TEAD1: variants seen among roughly 807,000 people sequenced by gnomAD.
TEAD1 encodes the protein TEA domain transcription factor 1, also known as transcriptional enhancer factor TEF-1.
A neutral mutation model predicts 54.9 loss-of-function variants in TEAD1; 9 were observed. That is an observed-to-expected ratio of 0.16 (90% CI 0.10 to 0.29). TEAD1 has a LOEUF of 0.29. Ranked by LOEUF, TEAD1 falls within the 10% of genes least tolerant of loss-of-function variation. The pLI, the probability that TEAD1 is intolerant of heterozygous loss-of-function variation, is 1.00. For missense variants in TEAD1, 387 were observed against 535.9 expected, an observed-to-expected ratio of 0.72 and a Z score of 2.74; for synonymous variants, 200 against 187.8, an observed-to-expected ratio of 1.07 and a Z score of -0.53.
chr11:12,720,136 T>G (rs1311798489), intron 2 of TEAD1, among the ~76,000 whole-genome samples: 1 of 151,882 alleles, frequency 6.6e-6, no homozygotes, highest in Non-Finnish European at 1.5e-5. Flanking sequence ...TCAGGAATAA[T>G]GTCTATGGCA....
At chr11:12,675,879 T>G (rs1943074789) in intron 2 of TEAD1, among the ~76,000 whole-genome samples, 1 of 152,224 alleles carries the variant, frequency 6.6e-6, no homozygotes, top group Admixed American at 6.5e-5. Context: ...AAAAGATTTA[T>G]TTAAAGTTGG....
intron 9 of TEAD1, among the ~76,000 whole-genome samples, chr11:12,900,871 G>A (rs1404661210): frequency 2.6e-5 from 4 of 152,160 alleles, no homozygotes. Context: ...AACCCTATTT[G>A]GTTCTGAGGC....
intron 10 of TEAD1, among the ~76,000 whole-genome samples, chr11:12,916,702 G>A (rs142376996): frequency 2.6e-5 from 4 of 152,372 alleles, no homozygotes; most frequent in Middle Eastern, 6.8e-3. Context: ...CAGTGTCTGA[G>A]ATGAGATGAC....
At chr11:12,764,992 C>T (rs1197132122) in intron 3 of TEAD1, among the ~76,000 whole-genome samples, 1 of 151,612 alleles carries the variant, frequency 6.6e-6, no homozygotes, top group African/African-American at 2.4e-5. Flanking sequence ...GCTTGATCAG[C>T]CTCTGAACCA....
At chr11:12,693,896 CT>C (rs761545459) in intron 2 of TEAD1, among the ~76,000 whole-genome samples, 4 of 152,256 alleles carry the variant, frequency 2.6e-5, no homozygotes, top group Non-Finnish European at 5.9e-5. Flanking sequence ...CAATAACTTC[CT>C]TTCCCAGTCC....
intron 3 of TEAD1, among the ~76,000 whole-genome samples, chr11:12,845,914 C>T (rs1297761831): frequency 1.3e-5 from 2 of 152,232 alleles, no homozygotes; most frequent in South Asian, 2.1e-4. Context: ...GCCGGCTTGC[C>T]AGGTCCTGCG....
intron 3 of TEAD1, among the ~76,000 whole-genome samples, chr11:12,807,293 C>T (rs760800576): frequency 2.6e-4 from 40 of 152,108 alleles, no homozygotes; most frequent in African/African-American, 8.7e-4. Flanking sequence ...TGTTTCTGTC[C>T]GCTCAAATAC....
chr11:12,823,161 A>C (rs186623091), intron 3 of TEAD1, among the ~76,000 whole-genome samples: 1 of 152,236 alleles, frequency 6.6e-6, no homozygotes, highest in Non-Finnish European at 1.5e-5. Flanking sequence ...TAATCAGGCT[A>C]TCCCCCTCAG....
At chr11:12,878,048 C>T (rs894456705) in intron 5 of TEAD1, among the ~76,000 whole-genome samples, 3 of 151,996 alleles carry the variant, frequency 2.0e-5, no homozygotes, top group African/African-American at 7.3e-5. Flanking sequence ...CCCAAGTAAT[C>T]CTCCCACCTC....
At chr11:12,679,922 A>AT (rs1179710300) in intron 2 of TEAD1, among the ~76,000 whole-genome samples, 12 of 152,216 alleles carry the variant, frequency 7.9e-5, no homozygotes, top group Non-Finnish European at 1.3e-4. Context: ...GTATCCAAGC[A>AT]TTTTTGTATA....
intron 3 of TEAD1, among the ~76,000 whole-genome samples, chr11:12,796,594 A>C (rs1945930652): frequency 1.3e-5 from 2 of 151,812 alleles, no homozygotes; most frequent in African/African-American, 4.8e-5. Flanking sequence ...GTGTGATGTC[A>C]CACACCTGTA....
chr11:12,893,643 C>T (rs1418791078), intron 9 of TEAD1, among the ~76,000 whole-genome samples: 3 of 152,098 alleles, frequency 2.0e-5, no homozygotes, highest in African/African-American at 7.2e-5. Context: ...AAGACACACT[C>T]CTGTCTGAGG....
chr11:12,885,599 T>G (rs1948071535), intron 9 of TEAD1, among the ~76,000 whole-genome samples: 1 of 152,112 alleles, frequency 6.6e-6, no homozygotes, highest in Admixed American at 6.5e-5. Context: ...CATATGACTG[T>G]TTTTTAGGAA....
chr11:12,702,854 C>T (rs1943732935), intron 2 of TEAD1, among the ~76,000 whole-genome samples: 1 of 152,172 alleles, frequency 6.6e-6, no homozygotes, highest in Admixed American at 6.5e-5. Flanking sequence ...TGTGAACTGG[C>T]ACTGTTCTTA....
At chr11:12,825,596 A>G (rs1363432687) in intron 3 of TEAD1, among the ~76,000 whole-genome samples, 2 of 152,238 alleles carry the variant, frequency 1.3e-5, no homozygotes, top group Non-Finnish European at 2.9e-5. Flanking sequence ...TGATTTGTAG[A>G]TTCAGTGCAA....
At chr11:12,841,994 G>T (rs1417130835) in intron 3 of TEAD1, among the ~76,000 whole-genome samples, 3 of 152,010 alleles carry the variant, frequency 2.0e-5, no homozygotes, top group African/African-American at 2.4e-5. Context: ...AAATGTAGTC[G>T]GCTTTCCTCA....
intron 2 of TEAD1, among the ~76,000 whole-genome samples, chr11:12,751,509 A>T (rs1022618087): frequency 6.6e-6 from 1 of 152,064 alleles, no homozygotes; most frequent in South Asian, 2.1e-4. Context: ...TCTTGCAGGT[A>T]TGTGTACTTA....
chr11:12,809,558 G>C (rs1210956766), intron 3 of TEAD1, among the ~76,000 whole-genome samples: 1 of 151,802 alleles, frequency 6.6e-6, no homozygotes, highest in Admixed American at 6.5e-5. Context: ...ATGCTTCTTG[G>C]TCTAGCCATA....
intron 12 of TEAD1, 49 bp from the exon 13 acceptor site, chr11:12,937,060 A>G (rs1306881141): frequency 2.4e-6 from 3 of 1,264,730 alleles, no homozygotes; most frequent in East Asian, 4.8e-5. Flanking sequence ...CACAGATGGA[A>G]TATGTTTTCA....
Sources: allele counts gnomAD v4.1 joint callset (sites outside exome capture counted in the v4.1 genomes callset), GRCh38; gene constraint gnomAD v4.1.1; transcripts MANE v1.5; gene names NCBI Gene and HGNC (gene_info 2026-07-23, HGNC 2026-07-21).